SERPINB8: variants seen among roughly 807,000 people sequenced by gnomAD.
The protein encoded by SERPINB8 is serpin family B member 8, also known as serpin B8.
SERPINB8 carries 25 observed loss-of-function variants against 35.3 expected under a neutral mutation model. The observed-to-expected ratio is 0.71, with a 90% CI of 0.52 to 0.99. SERPINB8 has a LOEUF of 0.99. SERPINB8 is among the 50% of genes least tolerant of loss of function. The pLI, the probability that SERPINB8 is intolerant of heterozygous loss-of-function variation, is 0.00. For missense variants in SERPINB8, 484 were observed against 446.5 expected, an observed-to-expected ratio of 1.08 and a Z score of -0.76; for synonymous variants, 186 against 160.8, an observed-to-expected ratio of 1.16 and a Z score of -1.19.
chr18:63,981,946 C>A, intron 4 of SERPINB8, 108 bp downstream of exon 4: 1 of 713,210 alleles, frequency 1.4e-6, no homozygotes, highest in Non-Finnish European at 2.4e-6. Flanking sequence ...ATACCACAGG[C>A]CTGTTTGTAT....
At chr18:63,981,987 A>G in intron 4 of SERPINB8, 149 bp downstream of exon 4, 1 of 612,900 alleles carries the variant, frequency 1.6e-6, no homozygotes, top group Non-Finnish European at 2.9e-6. Context: ...CCAGCAATGC[A>G]ACTCTGTCAT....
intron 6 of SERPINB8, 109 bp downstream of exon 6, chr18:63,985,354 G>GGCAGTGCT: frequency 8.6e-7 from 1 of 1,166,762 alleles, no homozygotes; most frequent in South Asian, 1.5e-5. Context: ...GGTTATTACA[G>GGCAGTGCT]GCAGTGCTGG....
chr18:63,997,048 T>G (rs1266399697), intron 1 of SERPINB8, among the ~76,000 whole-genome samples: 1 of 152,116 alleles, frequency 6.6e-6, no homozygotes, highest in Non-Finnish European at 1.5e-5. Context: ...CTTACAGGTC[T>G]CAACAACATT....
chr18:63,995,869 A>C (rs1238845842), intron 1 of SERPINB8, among the ~76,000 whole-genome samples: 1 of 152,232 alleles, frequency 6.6e-6, no homozygotes, highest in Non-Finnish European at 1.5e-5. Flanking sequence ...TAAGTCTCAA[A>C]TCCATCTCCC....
chr18:63,992,708 G>A (rs146256554), downstream of SERPINB8, among the ~76,000 whole-genome samples: 64 of 152,292 alleles, frequency 4.2e-4, no homozygotes, highest in African/African-American at 1.3e-3. Flanking sequence ...AAAGTAGGAT[G>A]AACGCGGGAA....
At chr18:63,995,193 C>T (rs2050843389) in intron 1 of SERPINB8, among the ~76,000 whole-genome samples, 1 of 152,196 alleles carries the variant, frequency 6.6e-6, no homozygotes, top group Non-Finnish European at 1.5e-5. Flanking sequence ...CCCAGTGACT[C>T]TGGAGATGAC....
At chr18:64,008,801 A>T (rs1338567177), downstream of SERPINB8, among the ~76,000 whole-genome samples, 1 of 152,170 alleles carries the variant, frequency 6.6e-6, no homozygotes, top group Non-Finnish European at 1.5e-5. Context: ...TAGAGCCTAA[A>T]CACTGGTCAG....
At position 63,985,243 on chromosome 18, in the gene SERPINB8, G is replaced by A. The variant is rs1428892759; in HGVS notation, c.718G>A (p.Val240Met). ...LLPDDNTDLAVVEKALTYEKF... is the reference protein window; with the variant it reads ...LLPDDNTDLAMVEKALTYEKF... ...TCCCGATGACAACACGGACCTCGCC[G>A]TGGTAAGCTCCAGGCAATGAGCCTG... The change falls in exon 6 of 7, where the codon GTG (valine) becomes ATG (methionine). Residue 240 changes from valine to methionine, a missense_variant and splice_region_variant. Physicochemically the swap from Val to Met is conservative, Grantham distance 21. Coordinates refer to ENST00000397985, the MANE Select transcript of SERPINB8 (RefSeq NM_002640.4). 3.7e-6 allele frequency: 6 copies of A among 1,614,040 alleles called. No homozygotes were observed. The highest frequency in any genetic ancestry group is 2.2e-5 in the South Asian group (2 of 91,072).
At chr18:64,001,988 G>A (rs1243790927) in intron 1 of SERPINB8, among the ~76,000 whole-genome samples, 3 of 152,138 alleles carry the variant, frequency 2.0e-5, no homozygotes, top group Admixed American at 1.3e-4. Flanking sequence ...TTCCAGTTGC[G>A]GAGGCCCCTT....
In SERPINB8 at chr18:63,971,534, G is replaced by A. The variant is rs2050480667; in HGVS notation, c.-11+1364G>A. Among the ~76,000 whole-genome samples, 6 of 152,166 alleles carry A rather than the reference G, an allele frequency of 3.9e-5. 1 individual carries two copies. In the South Asian group the frequency reaches 1.2e-3, roughly 32 times the overall value. On this transcript the variant is annotated intron_variant, in intron 1 of 6. Transcript: ENST00000397985. ...CTGAGTATGAATTTATAACAGCTAG[G>A]CGCCTCGGGACTGGGCCCTCCTGTG...
At chr18:63,978,563 GA>G in intron 2 of SERPINB8, 87 bp downstream of exon 2, 2 of 1,473,190 alleles carry the variant, frequency 1.4e-6, no homozygotes, top group African/African-American at 2.8e-5. Flanking sequence ...TGCTCTAGCT[GA>G]GGCCTGTGGA....
intron 4 of SERPINB8, among the ~76,000 whole-genome samples, chr18:63,982,366 C>T (rs2050686251): frequency 6.6e-6 from 1 of 152,182 alleles, no homozygotes. Flanking sequence ...GCAGTGTTCC[C>T]TGCCCAGACC....
In SERPINB8 at chr18:63,980,716, C is replaced by A. The variant is rs751030352; in HGVS notation, c.306+778C>A. Among the ~76,000 whole-genome samples the A allele has an allele frequency of 1.2e-4, 18 of 152,326 alleles. No individual in the cohort carries two copies. The East Asian group carries it at 1.9e-3, about 16-fold the overall frequency. ...TTTCATTTTTGAACATCAGCCTGAT[C>A]TACTACTGTTGTAATACTTGGGACA... On this transcript the variant is annotated intron_variant, in intron 3 of 6. Coordinates refer to ENST00000397985, the MANE Select transcript of SERPINB8 (RefSeq NM_002640.4).
chr18:63,978,966 T>C (rs780558755), intron 2 of SERPINB8, among the ~76,000 whole-genome samples: 5 of 152,222 alleles, frequency 3.3e-5, no homozygotes, highest in African/African-American at 4.8e-5. Flanking sequence ...GAATATATAA[T>C]CTGTTTGATT....
chr18:63,981,350 T>A (rs55771479), intron 3 of SERPINB8, among the ~76,000 whole-genome samples: 7,678 of 152,274 alleles, frequency 0.05, 668 homozygotes, highest in African/African-American at 0.17. Context: ...TTGGTGCTGG[T>A]GATGCAAAAT....
In SERPINB8 at chr18:63,987,126, G is replaced by A. The variant is rs368066827; in HGVS notation, c.973G>A (p.Gly325Ser). Reference protein sequence around the residue: ...HKCFVEVNEEGTEAAAATAVV... With the variant: ...HKCFVEVNEESTEAAAATAVV... Reference sequence around the variant, plus strand: ...GTGCTTCGTGGAGGTCAATGAGGAAGGCACAGAGGCTGCCGCAGCCACTGC... The same window carrying A: ...GTGCTTCGTGGAGGTCAATGAGGAAAGCACAGAGGCTGCCGCAGCCACTGC... Residue 325 changes from glycine (G) to serine (S), a missense_variant, in exon 7 of 7, where the codon GGC (glycine) becomes AGC (serine). By Grantham distance (56) the Gly-to-Ser change is moderately conservative. Coordinates refer to ENST00000397985, the MANE Select transcript of SERPINB8 (RefSeq NM_002640.4). 1.3e-5 allele frequency: 21 copies of A among 1,614,080 alleles called. No individual in the cohort carries two copies. The highest frequency in any genetic ancestry group is 1.4e-5 in the Non-Finnish European group (17 of 1,180,050).
chr18:63,998,216 T>G (rs1216518110), intron 1 of SERPINB8, among the ~76,000 whole-genome samples: 1 of 152,216 alleles, frequency 6.6e-6, no homozygotes, highest in Admixed American at 6.5e-5. Context: ...GGATCCTAAA[T>G]GTAGTTGATG....
chr18:64,004,652 C>A (rs2050891467), intron 1 of SERPINB8, among the ~76,000 whole-genome samples: 1 of 152,002 alleles, frequency 6.6e-6, no homozygotes, highest in Non-Finnish European at 1.5e-5. Flanking sequence ...TGAAAGCTTG[C>A]TGATTTTTAT....
In SERPINB8 at chr18:64,018,084, A is replaced by G. The variant is rs1014134728; in HGVS notation, c.*3-826A>G. ...GTCGCCATTAGCCTGTATGAATTGA[A>G]TGAGTGAGCTTTCCTTCTCATATAT... On this transcript the variant is annotated intron_variant, in intron 7 of 7. Transcript: ENST00000636430. Among the ~76,000 whole-genome samples the G allele has an allele frequency of 7.7e-4, 117 of 152,346 alleles. 1 individual carries two copies. Among genetic ancestry groups the G allele is most frequent in the African/African-American group, 2.6e-3 (108 of 41,584 alleles).
Sources: gnomAD v4.1 joint callset for allele counts (sites outside exome capture counted in the v4.1 genomes callset) on GRCh38, gnomAD v4.1.1 for gene constraint, MANE v1.5 for transcripts, NCBI Gene and HGNC (gene_info 2026-07-23, HGNC 2026-07-21) for gene names.